The following GYPC variants were observed in gnomAD, a reference collection of about 807,000 sequenced individuals.
GYPC encodes glycophorin C (Gerbich blood group), also known as glycophorin-C.
In GYPC, 14 loss-of-function variants were observed where a neutral mutation model predicts 12.6. The observed-to-expected ratio is 1.11, with a 90% CI of 0.74 to 1.74. GYPC has a LOEUF of 1.74. GYPC is among the 40% of genes most tolerant of loss of function. GYPC has a pLI of 0.00. For synonymous variants in GYPC, 78 were observed against 62.1 expected, an observed-to-expected ratio of 1.26 and a Z score of -1.20; for missense variants, 225 against 172.1, an observed-to-expected ratio of 1.31 and a Z score of -1.72.
intron 2 of GYPC, 65 bp downstream of exon 2, chr2:126,690,376 A>T (rs1341943122): frequency 3.3e-6 from 4 of 1,200,992 alleles, no homozygotes; most frequent in Non-Finnish European, 5.0e-6. Context: ...AGCTCTCATC[A>T]CAGAGCCCTT....
chr2:126,668,872 G>A (rs1312826205), intron 1 of GYPC, among the ~76,000 whole-genome samples: 1 of 152,186 alleles, frequency 6.6e-6, no homozygotes, highest in Non-Finnish European at 1.5e-5. Flanking sequence ...TTCACATCAT[G>A]ACAGGAATAA....
chr2:126,689,266 C>G (rs55913529), intron 1 of GYPC, among the ~76,000 whole-genome samples: 89,647 of 151,706 alleles, frequency 0.59, 26,925 homozygotes, highest in African/African-American at 0.69. Flanking sequence ...TGGCCAAGTC[C>G]TGACCTGATA....
intron 1 of GYPC, chr2:126,686,380 C>T (rs1234346050): frequency 1.0e-5 from 10 of 985,736 alleles, no homozygotes; most frequent in Middle Eastern, 5.2e-4. Context: ...GGGGTGGCTG[C>T]CTTCTGCCAG....
At chr2:126,681,534 C>G (rs1409781499) in intron 1 of GYPC, among the ~76,000 whole-genome samples, 1 of 151,856 alleles carries the variant, frequency 6.6e-6, no homozygotes, top group Non-Finnish European at 1.5e-5. Context: ...GATACATATG[C>G]CAAATAGTAT....
At chr2:126,692,183 A>G (rs996673244) in intron 2 of GYPC, among the ~76,000 whole-genome samples, 2 of 151,932 alleles carry the variant, frequency 1.3e-5, no homozygotes, top group African/African-American at 4.8e-5. Flanking sequence ...TGGATCCTAT[A>G]CCCTGCCTGG....
At chr2:126,686,661 G>C (rs543277710) in intron 1 of GYPC, 70 of 985,360 alleles carry the variant, frequency 7.1e-5, no homozygotes, top group Middle Eastern at 5.2e-4. Context: ...GTGTTGCAGG[G>C]GGCCGGGGGG....
At position 126,696,319 on chromosome 2, in the gene GYPC, G is replaced by T. The variant is rs940292994; in HGVS notation, c.*177G>T. On this transcript the variant is annotated 3_prime_UTR_variant, in exon 4 of 4. Transcript: ENST00000259254. ...CCCAGGGAGGAACGGAGGAGGACTCGCGCTACAAGAGGCCACTCCCAGGGA... is the reference window on the plus strand; with the variant it reads ...CCCAGGGAGGAACGGAGGAGGACTCTCGCTACAAGAGGCCACTCCCAGGGA... 3 of 643,968 alleles carry T rather than the reference G, an allele frequency of 4.7e-6. No individual in the cohort carries two copies. The highest frequency in any genetic ancestry group is 3.5e-4 in the Middle Eastern group (1 of 2,860). The allele number at this position is 643,968 out of a possible 1,614,324, so 39.9% of individuals were successfully genotyped here. A position where few individuals can be genotyped will look rare whatever the true frequency, so the allele number is the denominator to read the frequency against.
chr2:126,691,542 G>C (rs796336784), intron 2 of GYPC, among the ~76,000 whole-genome samples: 1 of 152,070 alleles, frequency 6.6e-6, no homozygotes, highest in African/African-American at 2.4e-5. Flanking sequence ...AGCAGTCATC[G>C]GGCCATTGAA....
intron 1 of GYPC, chr2:126,680,000 C>T (rs1683111774): frequency 6.6e-6 from 1 of 152,148 alleles, no homozygotes; most frequent in Non-Finnish European, 1.5e-5. Flanking sequence ...GGTAAGCTAA[C>T]AATGATTTTT....
At position 126,695,335 on chromosome 2, in the gene GYPC, G is replaced by A. The variant is rs115720013; in HGVS notation, c.191-611G>A. Among the ~76,000 whole-genome samples the A allele has an allele frequency of 3.6e-3, 554 of 152,202 alleles. 6 individuals carry two copies. Among genetic ancestry groups the A allele is most frequent in the African/African-American group, 0.013 (525 of 41,526 alleles). The stretch of plus-strand genomic sequence containing the variant: ...AGAGTGCTTAGAGTGGTTAGTAGCA[G>A]AACTGTGAGGAAGAAAAAGAAAAGG... On this transcript the variant is annotated intron_variant, in intron 3 of 3. Transcript: ENST00000259254.
chr2:126,668,753 C>T (rs1241862273), intron 1 of GYPC, among the ~76,000 whole-genome samples: 3 of 152,172 alleles, frequency 2.0e-5, no homozygotes, highest in Non-Finnish European at 2.9e-5. Flanking sequence ...AAACACTTGG[C>T]GTTATGGTGG....
At chr2:126,673,200 T>C (rs779966535) in intron 1 of GYPC, among the ~76,000 whole-genome samples, 9 of 152,078 alleles carry the variant, frequency 5.9e-5, no homozygotes, top group Non-Finnish European at 1.2e-4. Context: ...CTGTCCTAAG[T>C]AATATGATGC....
intron 1 of GYPC, among the ~76,000 whole-genome samples, chr2:126,677,121 A>C (rs565459986): frequency 4.0e-5 from 6 of 151,814 alleles, no homozygotes; most frequent in African/African-American, 1.4e-4. Flanking sequence ...TGTGTGTGTC[A>C]GTGTGTGTGC....
In GYPC at chr2:126,696,204, A is replaced by C; in HGVS notation, c.*62A>C. The C allele has an allele frequency of 3.4e-6, 4 of 1,175,044 alleles. No individual in the cohort carries two copies. The highest frequency in any genetic ancestry group is 5.0e-6 in the Non-Finnish European group (4 of 793,498). The allele number at this position is 1,175,044 out of a possible 1,614,324, so 72.8% of individuals were successfully genotyped here. The stretch of plus-strand genomic sequence containing the variant: ...ATCTCCATCAGGAAAAATACACCCC[A>C]TCGCCCAGCACCCCTGCTGATACCA... On this transcript the variant is annotated 3_prime_UTR_variant, in exon 4 of 4. Coordinates refer to ENST00000259254, the MANE Select transcript of GYPC (RefSeq NM_002101.5).
chr2:126,683,071 A>AGGTGAGATGGCTCAGGC (rs1683191572), intron 1 of GYPC, among the ~76,000 whole-genome samples: 1 of 152,144 alleles, frequency 6.6e-6, no homozygotes, highest in South Asian at 2.1e-4. Context: ...TAATCCCAAC[A>AGGTGAGATGGCTCAGGC]CTTTGGGAGG....
chr2:126,682,093 G>T (rs1683164660), intron 1 of GYPC, among the ~76,000 whole-genome samples: 1 of 152,224 alleles, frequency 6.6e-6, no homozygotes, highest in African/African-American at 2.4e-5. Flanking sequence ...CTCCGGTGGA[G>T]CTTGGAGCTG....
chr2:126,678,095 A>G (rs1240743235), intron 1 of GYPC, among the ~76,000 whole-genome samples: 2 of 152,008 alleles, frequency 1.3e-5, no homozygotes, highest in African/African-American at 2.4e-5. Flanking sequence ...GGTGGCACGC[A>G]CCTGTAATCC....
intron 1 of GYPC, among the ~76,000 whole-genome samples, chr2:126,682,132 C>T (rs1221433401): frequency 6.6e-6 from 1 of 152,220 alleles, no homozygotes; most frequent in Non-Finnish European, 1.5e-5. Context: ...GATTGGGATA[C>T]ACGGGCCTTC....
intron 1 of GYPC, among the ~76,000 whole-genome samples, chr2:126,668,411 G>A (rs1368517585): frequency 1.3e-5 from 2 of 152,082 alleles, no homozygotes; most frequent in African/African-American, 4.8e-5. Context: ...CTGATGCTCG[G>A]TCACTGTTTG....
Sources: gnomAD v4.1 joint callset for allele counts (sites outside exome capture counted in the v4.1 genomes callset) on GRCh38, gnomAD v4.1.1 for gene constraint, MANE v1.5 for transcripts, NCBI Gene and HGNC (gene_info 2026-07-23, HGNC 2026-07-21) for gene names.